The following HPSE2 variants were observed in gnomAD, a reference collection of about 807,000 sequenced individuals.
The protein encoded by HPSE2 is inactive heparanase-2.
A neutral mutation model predicts 60.5 loss-of-function variants in HPSE2; 38 were observed. The observed-to-expected ratio is 0.63, with a 90% confidence interval of 0.48 to 0.82. The LOEUF is 0.82. Among genes scored for constraint, HPSE2 ranks in the 40% least tolerant of loss-of-function variants. The pLI, the probability that HPSE2 is intolerant of heterozygous loss-of-function variation, is 0.00. For missense variants in HPSE2, 713 were observed against 740.4 expected (o/e 0.96, Z 0.43); for synonymous variants, 295 against 293.2 (o/e 1.01, Z -0.06).
the HPSE2 span, among the ~76,000 whole-genome samples, chr10:99,248,457 T>C: frequency 6.6e-6 from 1 of 152,320 alleles, no homozygotes; most frequent in South Asian, 2.1e-4. Flanking sequence ...CAGCAAAGCA[T>C]TCAAGATGTA....
intron 4 of HPSE2, among the ~76,000 whole-genome samples, chr10:98,729,940 G>A (rs186437649): frequency 8.5e-4 from 129 of 152,076 alleles, no homozygotes; most frequent in Non-Finnish European, 1.5e-3. Flanking sequence ...TGAAACGACT[G>A]GATAAAAAAA....
intron 6 of HPSE2, among the ~76,000 whole-genome samples, chr10:98,653,977 T>C (rs1946990299): frequency 1.3e-5 from 2 of 152,028 alleles, no homozygotes; most frequent in African/African-American, 4.8e-5. Context: ...AACTCTAGTT[T>C]TTTTTTTTTC....
At chr10:99,100,203 A>G (rs1360077533) in intron 3 of HPSE2, among the ~76,000 whole-genome samples, 3 of 152,194 alleles carry the variant, frequency 2.0e-5, no homozygotes, top group African/African-American at 7.2e-5. Context: ...CGAGCTAAAG[A>G]AGGAAGTTCG....
At chr10:99,252,693 G>A in the HPSE2 span, among the ~76,000 whole-genome samples, 21 of 151,950 alleles carry the variant, frequency 1.4e-4, no homozygotes, top group Non-Finnish European at 2.1e-4. Flanking sequence ...TGGCTAACAC[G>A]GTGAAACCCC....
At chr10:98,958,856 C>T (rs2135223277) in intron 3 of HPSE2, among the ~76,000 whole-genome samples, 1 of 152,194 alleles carries the variant, frequency 6.6e-6, no homozygotes, top group South Asian at 2.1e-4. Flanking sequence ...TCACCTGAAG[C>T]ATAATATCAA....
chr10:98,733,764 C>T (rs1012922327), intron 4 of HPSE2, among the ~76,000 whole-genome samples: 1 of 151,282 alleles, frequency 6.6e-6, no homozygotes, highest in East Asian at 1.9e-4. Context: ...AAGAGAGTAA[C>T]ACTAAGTCTT....
intron 5 of HPSE2, among the ~76,000 whole-genome samples, chr10:98,705,345 T>A (rs554603512): frequency 6.6e-6 from 1 of 152,334 alleles, no homozygotes; most frequent in Non-Finnish European, 1.5e-5. Context: ...GAAGATGGCG[T>A]GGCAATTCCT....
At chr10:98,867,221 G>C (rs574381781) in intron 3 of HPSE2, among the ~76,000 whole-genome samples, 1 of 149,200 alleles carries the variant, frequency 6.7e-6, no homozygotes, top group African/African-American at 2.5e-5. Context: ...ATTTTGGGGA[G>C]AAAATACTTG....
intron 3 of HPSE2, among the ~76,000 whole-genome samples, chr10:98,868,218 AT>A (rs1490651725): frequency 6.6e-6 from 1 of 151,952 alleles, no homozygotes; most frequent in African/African-American, 2.4e-5. Flanking sequence ...GGAGGTTATT[AT>A]GTTAAATGAA....
At position 98,461,759 on chromosome 10, in the gene HPSE2, G is replaced by C. The variant is rs529882692; in HGVS notation, c.1614-2020C>G. On this transcript the variant is annotated intron_variant, in intron 11 of 11. Coordinates refer to ENST00000370552, the MANE Select transcript of HPSE2 (RefSeq NM_021828.5). Reference sequence around the variant, plus strand: ...AGAATTAGGTGCAAACCTTTCTTCTGAAGAATTAGGTAATGCCCTTTTAGA... The same window carrying C: ...AGAATTAGGTGCAAACCTTTCTTCTCAAGAATTAGGTAATGCCCTTTTAGA... 1.9e-6 allele frequency: 3 copies of C among 1,574,990 alleles called. No homozygotes were observed. In the African/African-American group the frequency reaches 4.0e-5, roughly 21 times the overall value.
At chr10:98,471,602 T>G (rs1396742800) in intron 11 of HPSE2, among the ~76,000 whole-genome samples, 2 of 152,152 alleles carry the variant, frequency 1.3e-5, no homozygotes, top group Non-Finnish European at 2.9e-5. Context: ...CTCCATAGAC[T>G]GAAGGGAGCA....
intron 3 of HPSE2, among the ~76,000 whole-genome samples, chr10:99,108,170 G>A (rs1227647550): frequency 6.6e-6 from 1 of 152,074 alleles, no homozygotes; most frequent in Admixed American, 6.5e-5. Flanking sequence ...CTACTACATA[G>A]CAAACAGCTA....
intron 2 of HPSE2, among the ~76,000 whole-genome samples, chr10:99,166,611 A>G (rs1329890070): frequency 6.6e-6 from 1 of 152,162 alleles, no homozygotes; most frequent in African/African-American, 2.4e-5. Flanking sequence ...CCTAATGACA[A>G]TGATGTTGAG....
chr10:98,978,630 C>A (rs1022970058), intron 3 of HPSE2, among the ~76,000 whole-genome samples: 1 of 152,094 alleles, frequency 6.6e-6, no homozygotes, highest in Admixed American at 6.6e-5. Flanking sequence ...ATTTTCTTTA[C>A]GTAGGTATTC....
At position 98,571,975 on chromosome 10, in the gene HPSE2, G is replaced by A. The variant is rs542627116; in HGVS notation, c.1320+42929C>T. Among the ~76,000 whole-genome samples the A allele has an allele frequency of 1.5e-5, 2 of 131,994 alleles. 1 individual carries two copies. Among genetic ancestry groups the A allele is most frequent in the South Asian group, 4.6e-4 (2 of 4,320 alleles). 86.6% of individuals were successfully genotyped at this position (131,994 alleles called of 152,430 possible). Reference sequence around the variant, plus strand: ...TTTTTTTGAGACGGAGTCTCGTTCTGTTGCCCAGGCGGGAGTGCAGTGGCG... The same window carrying A: ...TTTTTTTGAGACGGAGTCTCGTTCTATTGCCCAGGCGGGAGTGCAGTGGCG... On this transcript the variant is annotated intron_variant, in intron 9 of 11. Coordinates refer to ENST00000370552, the MANE Select transcript of HPSE2 (RefSeq NM_021828.5).
chr10:99,001,035 A>C (rs969929369), intron 3 of HPSE2, among the ~76,000 whole-genome samples: 4 of 152,058 alleles, frequency 2.6e-5, no homozygotes, highest in African/African-American at 9.7e-5. Flanking sequence ...TGTAATTTGA[A>C]TTTATAAAAC....
At chr10:98,998,233 C>T (rs1263103478) in intron 3 of HPSE2, among the ~76,000 whole-genome samples, 1 of 152,198 alleles carries the variant, frequency 6.6e-6, no homozygotes, top group East Asian at 1.9e-4. Context: ...GGTTAAGGGA[C>T]TACAGTCAAA....
chr10:98,958,450 A>G (rs140694358), intron 3 of HPSE2, among the ~76,000 whole-genome samples: 53 of 152,258 alleles, frequency 3.5e-4, no homozygotes, highest in Non-Finnish European at 3.7e-4. Flanking sequence ...GATTAAATGA[A>G]TAAATAATGA....
intron 3 of HPSE2, among the ~76,000 whole-genome samples, chr10:99,098,509 A>T (rs996880126): frequency 6.6e-6 from 1 of 152,152 alleles, no homozygotes; most frequent in African/African-American, 2.4e-5. Flanking sequence ...CTCTCTTAGT[A>T]TTTCTTTGGT....
Sources: allele counts gnomAD v4.1 joint callset (sites outside exome capture counted in the v4.1 genomes callset), GRCh38; gene constraint gnomAD v4.1.1; transcripts MANE v1.5; gene names NCBI Gene and HGNC (gene_info 2026-07-23, HGNC 2026-07-21).